PTPRG: variants seen among roughly 807,000 people sequenced by gnomAD.
PTPRG encodes the protein protein tyrosine phosphatase receptor type G.
A neutral mutation model predicts 165.3 loss-of-function variants in PTPRG; 102 were observed. The ratio of observed to expected loss-of-function variants is 0.62; its 90% CI spans 0.53 to 0.73. The LOEUF (loss-of-function observed/expected upper bound fraction) is 0.73, where lower values mean the gene tolerates loss of function less well. Among genes scored for constraint, PTPRG ranks in the 30% least tolerant of loss-of-function variants. The pLI is 0.00. For synonymous variants in PTPRG, 675 were observed against 669.5 expected (o/e 1.01, Z -0.13); for missense variants, 1,866 against 1,861.4 (o/e 1.00, Z -0.05).
Position 61,643,530 on chromosome 3 carries a change from A to C in PTPRG, c.85+81158A>C, listed in dbSNP as rs1002566179. On this transcript the variant is annotated intron_variant, in intron 1 of 29. Coordinates refer to ENST00000474889, the MANE Select transcript of PTPRG (RefSeq NM_002841.4). ...CGCGGTGGCTCATGCCTGTAATGCC[A>C]GCACTTTGGGAGGCCGAGGCGGTGA... is the stretch of plus-strand genomic sequence containing the variant. 3.9e-5 allele frequency among the ~76,000 whole-genome samples: 6 copies of C among 152,236 alleles called. No individual in the cohort carries two copies. The South Asian group carries it at 1.2e-3, about 32-fold the overall frequency.
At chr3:61,889,719 C>T (rs1459119010) in intron 2 of PTPRG, among the ~76,000 whole-genome samples, 1 of 152,172 alleles carries the variant, frequency 6.6e-6, no homozygotes, top group Non-Finnish European at 1.5e-5. Context: ...GGAGGGATGG[C>T]ATCACACTCT....
In PTPRG at chr3:62,293,380, G is replaced by A. The variant is rs1172202017; in HGVS notation, c.*73G>A. On this transcript the variant is annotated 3_prime_UTR_variant, in exon 30 of 30. Transcript: ENST00000474889. ...AACTTTTTTGAGGCCTTTTTTGCCA[G>A]ACTCTAGGTTATACAATAACCCAGT... 3 of 1,333,378 alleles carry A rather than the reference G, an allele frequency of 2.2e-6. No individual in the cohort carries two copies. Among genetic ancestry groups the A allele is most frequent in the African/African-American group, 1.5e-5 (1 of 66,954 alleles). 82.6% of individuals were successfully genotyped at this position (1,333,378 alleles called of 1,614,324 possible). A position where few individuals can be genotyped will look rare whatever the true frequency, so the allele number is the denominator to read the frequency against.
chr3:61,573,771 T>C (rs1011108538), intron 1 of PTPRG, among the ~76,000 whole-genome samples: 4 of 152,208 alleles, frequency 2.6e-5, no homozygotes, highest in African/African-American at 9.7e-5. Context: ...TGTCACTGTA[T>C]GTAGTTTCAA....
chr3:62,237,773 A>C lies in PTPRG; in HGVS notation c.2376-6034A>C, dbSNP rs1701066051. ...ACCATCAGGGCTTCAGACACTGTAC[A>C]GATCTGGACCACAGGTGTGGGTTGT... is the stretch of plus-strand genomic sequence containing the variant. On this transcript the variant is annotated intron_variant, in intron 14 of 29. Transcript: ENST00000474889. This position sits in a 1 kb window ranked among gnomAD's most constrained non-coding sequence, Gnocchi z 4.5. Among the ~76,000 whole-genome samples, 1 of 152,238 alleles carries C rather than the reference A, an allele frequency of 6.6e-6. No homozygotes were observed. The highest frequency in any genetic ancestry group is 2.1e-4 in the South Asian group (1 of 4,832).
intron 2 of PTPRG, among the ~76,000 whole-genome samples, chr3:61,891,513 T>C (rs1462591552): frequency 6.6e-6 from 1 of 152,232 alleles, no homozygotes; most frequent in African/African-American, 2.4e-5. Flanking sequence ...AAGAATTGTT[T>C]CATTCATAGC....
At chr3:62,172,472 G>C (rs1479706159) in intron 8 of PTPRG, among the ~76,000 whole-genome samples, 1 of 152,158 alleles carries the variant, frequency 6.6e-6, no homozygotes, top group African/African-American at 2.4e-5. Context: ...TCAGTTTATA[G>C]TTCTGATTTC....
intron 4 of PTPRG, among the ~76,000 whole-genome samples, chr3:62,074,207 G>GTGTT (rs1283361835): frequency 2.0e-5 from 3 of 151,304 alleles, no homozygotes; most frequent in Admixed American, 6.6e-5. Flanking sequence ...GTGTGTGTGT[G>GTGTT]TGTGTATACA....
chr3:61,620,922 C>G (rs1238284019), intron 1 of PTPRG, among the ~76,000 whole-genome samples: 2 of 151,846 alleles, frequency 1.3e-5, no homozygotes, highest in Non-Finnish European at 2.9e-5. Flanking sequence ...AGCCACCGCG[C>G]CCGGCCTTAC....
intron 2 of PTPRG, among the ~76,000 whole-genome samples, chr3:61,965,861 C>T (rs1465818585): frequency 6.6e-6 from 1 of 152,230 alleles, no homozygotes; most frequent in African/African-American, 2.4e-5. Context: ...AAGTGGGATT[C>T]TGTGGTCTGG....
intron 2 of PTPRG, among the ~76,000 whole-genome samples, chr3:61,758,878 T>C (rs947881905): frequency 2.0e-5 from 3 of 152,206 alleles, no homozygotes; most frequent in Non-Finnish European, 1.5e-5. Context: ...CAATATGTAG[T>C]TGGAATAAGT....
intron 1 of PTPRG, among the ~76,000 whole-genome samples, chr3:61,696,788 T>C (rs1255604527): frequency 6.6e-6 from 1 of 152,216 alleles, no homozygotes; most frequent in Non-Finnish European, 1.5e-5. Flanking sequence ...CAAGGAGCTA[T>C]GATAACTTAC....
chr3:61,598,081 C>A (rs1322476351), intron 1 of PTPRG, among the ~76,000 whole-genome samples: 2 of 152,134 alleles, frequency 1.3e-5, no homozygotes, highest in Non-Finnish European at 2.9e-5. Context: ...TCGGCTACCT[C>A]TGTTCAGGGT....
chr3:61,764,583 C>A (rs2033957078), intron 2 of PTPRG, among the ~76,000 whole-genome samples: 1 of 152,166 alleles, frequency 6.6e-6, no homozygotes, highest in Non-Finnish European at 1.5e-5. Flanking sequence ...GAAGACCTCT[C>A]TGATCAGGTG....
chr3:61,647,770 T>G (rs989877219), intron 1 of PTPRG, among the ~76,000 whole-genome samples: 5 of 122,108 alleles, frequency 4.1e-5, no homozygotes, highest in Non-Finnish European at 7.9e-5. Flanking sequence ...CCAGCCTGGG[T>G]GACAGAGTGA....
chr3:62,067,256 C>T (rs192027035), intron 4 of PTPRG, among the ~76,000 whole-genome samples: 9 of 140,000 alleles, frequency 6.4e-5, no homozygotes, highest in African/African-American at 2.1e-4. Flanking sequence ...TAATTCTTTT[C>T]TTTTTTTTTT....
intron 1 of PTPRG, among the ~76,000 whole-genome samples, chr3:61,673,269 T>A (rs1159104310): frequency 6.6e-6 from 1 of 152,198 alleles, no homozygotes; most frequent in Non-Finnish European, 1.5e-5. Context: ...TCTTTGCGCT[T>A]TCTGGAAAGT....
At chr3:62,016,862 T>C (rs2041557617) in intron 4 of PTPRG, among the ~76,000 whole-genome samples, 1 of 152,202 alleles carries the variant, frequency 6.6e-6, no homozygotes, top group African/African-American at 2.4e-5. Context: ...TCCCTGATTA[T>C]CCCTCACTCC....
At chr3:61,772,058 TAAAAAAAAAAAAAAAA>T (rs71100977) in intron 2 of PTPRG, among the ~76,000 whole-genome samples, 7 of 64,782 alleles carry the variant, frequency 1.1e-4, no homozygotes, top group African/African-American at 4.4e-4. Context: ...AGACTCTGTC[TAAAAAAAAAAAAAAAA>T]AAAAAAAAAG....
intron 2 of PTPRG, among the ~76,000 whole-genome samples, chr3:61,763,838 A>G (rs2033933724): frequency 6.6e-6 from 1 of 152,178 alleles, no homozygotes; most frequent in Non-Finnish European, 1.5e-5. Context: ...TGGTATTCCT[A>G]GCTTCCCTGT....
Sources: gnomAD v4.1 joint callset for allele counts (sites outside exome capture counted in the v4.1 genomes callset) on GRCh38, gnomAD v4.1.1 for gene constraint, Gnocchi (gnomAD v3.1) non-coding constraint, MANE v1.5 for transcripts, NCBI Gene and HGNC (gene_info 2026-07-23, HGNC 2026-07-21) for gene names.